The following ITSN2 variants were observed in gnomAD, a reference collection of about 807,000 sequenced individuals.
The protein encoded by ITSN2 is intersectin 2.
A neutral mutation model predicts 243.7 loss-of-function variants in ITSN2; 156 were observed. That is an observed-to-expected ratio of 0.64 (90% CI 0.56 to 0.73). The LOEUF (loss-of-function observed/expected upper bound fraction) is 0.73. Ranked by LOEUF, ITSN2 falls within the 30% of genes least tolerant of loss-of-function variation. The pLI is 0.00. For synonymous variants in ITSN2, 703 were observed against 699.9 expected, an observed-to-expected ratio of 1.00 and a Z score of -0.07; for missense variants, 1,801 against 1,996.1, an observed-to-expected ratio of 0.90 and a Z score of 1.86.
At chr2:24,292,732 G>A (rs1680423151) in intron 15 of ITSN2, among the ~76,000 whole-genome samples, 1 of 152,160 alleles carries the variant, frequency 6.6e-6, no homozygotes, top group African/African-American at 2.4e-5. Flanking sequence ...CTTTGTTCAT[G>A]CATCCAGTGC....
At chr2:24,266,452 T>C (rs1267524635) in intron 20 of ITSN2, among the ~76,000 whole-genome samples, 1 of 152,176 alleles carries the variant, frequency 6.6e-6, no homozygotes. Context: ...TAATGTTATA[T>C]GTCTGGCTAT....
At chr2:24,257,848 C>T (rs767638114) in intron 23 of ITSN2, 40 bp downstream of exon 23, 2 of 1,459,056 alleles carry the variant, frequency 1.4e-6, no homozygotes, top group African/African-American at 2.8e-5. Context: ...AGTGAAAATA[C>T]CAACATCCAC....
intron 29 of ITSN2, chr2:24,241,556 ATGT>A (rs1365268684): frequency 6.6e-6 from 1 of 152,584 alleles, no homozygotes; most frequent in Non-Finnish European, 1.5e-5. Context: ...CTCCCCCAAA[ATGT>A]TGTTATTCCC....
chr2:24,304,827 G>A (rs1682277176), intron 8 of ITSN2, among the ~76,000 whole-genome samples: 2 of 152,156 alleles, frequency 1.3e-5, no homozygotes, highest in South Asian at 4.1e-4. Context: ...TTATATGTGT[G>A]AGGCAAAGTC....
At chr2:24,304,371 T>G (rs1019798705) in intron 8 of ITSN2, among the ~76,000 whole-genome samples, 33 of 152,364 alleles carry the variant, frequency 2.2e-4, no homozygotes, top group African/African-American at 7.7e-4. Context: ...GCCAGCCAAA[T>G]GCAGCTAGAT....
intron 1 of ITSN2, among the ~76,000 whole-genome samples, chr2:24,343,154 A>C (rs968897386): frequency 6.6e-6 from 1 of 152,070 alleles, no homozygotes; most frequent in Admixed American, 6.6e-5. Flanking sequence ...AGATACAAAA[A>C]TAAGTACAAT....
intron 7 of ITSN2, chr2:24,309,010 G>T: frequency 2.4e-6 from 1 of 415,596 alleles, no homozygotes; most frequent in Non-Finnish European, 5.0e-6. Context: ...ATTGTGAATG[G>T]CACATGTGAG....
chr2:24,286,946 T>C (rs1295385240), intron 15 of ITSN2, among the ~76,000 whole-genome samples: 1 of 152,184 alleles, frequency 6.6e-6, no homozygotes, highest in Non-Finnish European at 1.5e-5. Flanking sequence ...TAATGCAGAA[T>C]ACATTACAAT....
chr2:24,257,926 A>C lies in ITSN2; in HGVS notation c.2850T>G (p.Tyr950Ter). Reference protein sequence around the residue: ...HGGRGWFPKSYVKIIPGSEVK... With the variant: ...HGGRGWFPKS ...CTTCACTCCCAGGAATGATCTTGAC[A>C]TAAGATTTGGGAAACCATCCTCTTC... Residue 950 changes from tyrosine (Y) to a stop codon, truncating the protein, a stop_gained, in exon 23 of 40, where the codon TAT becomes TAG. Coordinates refer to ENST00000355123, the MANE Select transcript of ITSN2 (RefSeq NM_006277.3). LOFTEE classifies it high-confidence loss of function. The C allele has an allele frequency of 6.2e-7, 1 of 1,614,088 alleles. No homozygotes were observed. The highest frequency in any genetic ancestry group is 8.5e-7 in the Non-Finnish European group (1 of 1,179,970).
chr2:24,293,769 G>T lies in ITSN2; in HGVS notation c.1642C>A (p.Gln548Lys). ...GGTACCAGATAGATAAGCTTATTCT[G>T]ATATTCCTTATAAAAAGAAAAAATA... Reference protein sequence around the residue: ...KQLQQELQEYQNKLIYLVPEK... With the variant: ...KQLQQELQEYKNKLIYLVPEK... Residue 548 changes from glutamine (Q) to lysine (K), a missense_variant, in exon 15 of 40, where the codon CAG becomes AAG. Transcript: ENST00000355123. 2.1e-6 allele frequency: 2 copies of T among 969,264 alleles called. No individual in the cohort carries two copies. The highest frequency in any genetic ancestry group is 1.6e-5 in the South Asian group (1 of 62,058). 60.0% of individuals were successfully genotyped at this position (969,264 alleles called of 1,614,324 possible). A position where few individuals can be genotyped will look rare whatever the true frequency, so the allele number is the denominator to read the frequency against.
intron 1 of ITSN2, chr2:24,330,729 ATT>A (rs1292268752): frequency 3.4e-6 from 2 of 593,242 alleles, no homozygotes; most frequent in East Asian, 6.6e-5. Flanking sequence ...TTGAAATACT[ATT>A]TTTTATCAAG....
At position 24,286,346 on chromosome 2, in the gene ITSN2, C is replaced by T. The variant is rs1266635956; in HGVS notation, c.1729G>A (p.Gly577Arg). 1.2e-6 allele frequency: 2 copies of T among 1,610,386 alleles called. No homozygotes were observed. Among genetic ancestry groups the T allele is most frequent in the Middle Eastern group, 1.7e-4 (1 of 6,014 alleles). The change falls in exon 16 of 40, where the codon GGG becomes AGG. Residue 577 changes from glycine to arginine, a missense_variant. Gly to Arg is a moderately radical substitution (Grantham distance 125). Around this residue, in one of 5 missense-constraint regions of ITSN2, gnomAD observed 787 missense variants for 803.9 expected, o/e 0.98. Coordinates refer to ENST00000355123, the MANE Select transcript of ITSN2 (RefSeq NM_006277.3). ...GATTTTTTATGAAGTAAACTGACCC[C>T]TGAATCTGAAAAACAAACATCAGAC... ...NMQFSNTPDS[G>R]VSLLHKKSLE... is the part of the protein sequence containing the mutation.
At chr2:24,272,148 A>G (rs970005601) in intron 18 of ITSN2, among the ~76,000 whole-genome samples, 3 of 152,222 alleles carry the variant, frequency 2.0e-5, no homozygotes, top group African/African-American at 7.2e-5. Context: ...TGGATTGATT[A>G]GTGGATGCAC....
intron 2 of ITSN2, among the ~76,000 whole-genome samples, chr2:24,320,014 T>G (rs1684368524): frequency 6.6e-6 from 1 of 152,244 alleles, no homozygotes; most frequent in Non-Finnish European, 1.5e-5. Flanking sequence ...TAAGATAAAG[T>G]GTGTGCAATT....
chr2:24,305,566 G>C (rs1277323123), intron 8 of ITSN2, among the ~76,000 whole-genome samples: 2 of 107,658 alleles, frequency 1.9e-5, no homozygotes, highest in Admixed American at 1.4e-4. Flanking sequence ...AACAGAGCAA[G>C]ACTCTGTCTC....
intron 17 of ITSN2, among the ~76,000 whole-genome samples, chr2:24,276,435 C>T (rs752829456): frequency 2.6e-5 from 4 of 152,054 alleles, no homozygotes; most frequent in Non-Finnish European, 5.9e-5. Flanking sequence ...TGCTATAAAG[C>T]GTTCCAAGAG....
chr2:24,262,867 A>C (rs1294654033), intron 20 of ITSN2, among the ~76,000 whole-genome samples: 1 of 152,092 alleles, frequency 6.6e-6, no homozygotes, highest in Non-Finnish European at 1.5e-5. Context: ...ACACCACCAA[A>C]AATTTAGTCA....
intron 32 of ITSN2, among the ~76,000 whole-genome samples, chr2:24,215,647 A>T (rs185865096): frequency 6.7e-6 from 1 of 150,024 alleles, no homozygotes; most frequent in East Asian, 1.9e-4. Context: ...AGCCTGGGCA[A>T]CAGAGCAAGA....
At chr2:24,222,676 T>C (rs1385642609) in intron 29 of ITSN2, among the ~76,000 whole-genome samples, 30 of 137,072 alleles carry the variant, frequency 2.2e-4, no homozygotes, top group African/African-American at 6.3e-4. Flanking sequence ...TTCTTTTTTT[T>C]TTTTTTTTTT....
Sources: allele counts gnomAD v4.1 joint callset (sites outside exome capture counted in the v4.1 genomes callset), GRCh38; gene constraint gnomAD v4.1.1; regional missense constraint gnomAD v4.1.1; transcripts MANE v1.5; gene names NCBI Gene and HGNC (gene_info 2026-07-23, HGNC 2026-07-21).